Variants in SIPA1L3 observed in about 807,000 individuals in gnomAD.
SIPA1L3 encodes the protein signal induced proliferation associated 1 like 3, also known as signal-induced proliferation-associated 1-like protein 3.
In SIPA1L3, 59 loss-of-function variants were observed where a neutral mutation model predicts 150.1. The ratio of observed to expected loss-of-function variants is 0.39; its 90% CI spans 0.32 to 0.49. The LOEUF is 0.49. SIPA1L3 is among the 20% of genes least tolerant of loss of function. The pLI is 0.86. For synonymous variants in SIPA1L3, 1,070 were observed against 1,077.6 expected (o/e 0.99, Z 0.14); for missense variants, 2,211 against 2,489.5 (o/e 0.89, Z 2.38).
chr19:37,994,887 G>T (rs1348704026), intron 1 of SIPA1L3, among the ~76,000 whole-genome samples: 1 of 152,162 alleles, frequency 6.6e-6, no homozygotes, highest in Non-Finnish European at 1.5e-5. Flanking sequence ...GAGGAGACAA[G>T]CTCCATGGCT....
chr19:38,064,085 A>G (rs1654351), intron 2 of SIPA1L3, among the ~76,000 whole-genome samples: 53,129 of 152,184 alleles, frequency 0.35, 10,089 homozygotes, highest in African/African-American at 0.51. Flanking sequence ...ATTTGTGCCC[A>G]TACTCCAAGA....
At chr19:38,078,438 G>A (rs1011061569) in intron 2 of SIPA1L3, among the ~76,000 whole-genome samples, 5 of 139,002 alleles carry the variant, frequency 3.6e-5, no homozygotes, top group East Asian at 2.1e-4. Context: ...GCGCATACAT[G>A]CACACACACA....
intron 2 of SIPA1L3, among the ~76,000 whole-genome samples, chr19:38,059,140 A>C (rs1350301077): frequency 6.6e-6 from 1 of 150,448 alleles, no homozygotes; most frequent in Non-Finnish European, 1.5e-5. Flanking sequence ...AGCTGAGTCT[A>C]CAGGTGCATG....
At chr19:37,952,677 A>G (rs924622371) in intron 1 of SIPA1L3, among the ~76,000 whole-genome samples, 54 of 152,354 alleles carry the variant, frequency 3.5e-4, no homozygotes, top group African/African-American at 1.2e-3. Context: ...TGTCTCAAAA[A>G]TAAAATAAAA....
In SIPA1L3 at chr19:37,916,744, G is replaced by C. The variant is rs139341942; in HGVS notation, c.-379+9386G>C. 5.4e-3 allele frequency among the ~76,000 whole-genome samples: 820 copies of C among 152,214 alleles called. 7 individuals are homozygous for C. Among genetic ancestry groups the C allele is most frequent in the African/African-American group, 0.018 (768 of 41,530 alleles). ...GGAGGCTGACGCGGGTGGATCACTT[G>C]AGTTCAGGAGTTCGAGACCAGCCTA... On this transcript the variant is annotated intron_variant, in intron 1 of 21. Transcript: ENST00000222345.
chr19:38,141,695 T>C (rs1288521968), intron 11 of SIPA1L3, among the ~76,000 whole-genome samples: 3 of 152,178 alleles, frequency 2.0e-5, no homozygotes, highest in Non-Finnish European at 2.9e-5. Flanking sequence ...GAAGCTCTGC[T>C]TTTTAGGCTG....
intron 9 of SIPA1L3, among the ~76,000 whole-genome samples, chr19:38,128,527 C>T (rs757493962): frequency 6.6e-6 from 1 of 152,166 alleles, no homozygotes; most frequent in Non-Finnish European, 1.5e-5. Context: ...GTGTAAAACA[C>T]GAATGTGTAG....
chr19:37,921,751 C>T (rs2046459473), intron 1 of SIPA1L3, among the ~76,000 whole-genome samples: 1 of 152,024 alleles, frequency 6.6e-6, no homozygotes, highest in African/African-American at 2.4e-5. Flanking sequence ...CAGGCATACG[C>T]CACCACGCCT....
chr19:38,100,249 C>A, intron 5 of SIPA1L3, 99 bp downstream of exon 5: 2 of 953,178 alleles, frequency 2.1e-6, no homozygotes, highest in Non-Finnish European at 2.9e-6. Context: ...TTTTTCTTTG[C>A]AAGTAACAGA....
chr19:38,049,359 T>C (rs984040110), intron 2 of SIPA1L3, among the ~76,000 whole-genome samples: 4 of 152,168 alleles, frequency 2.6e-5, no homozygotes, highest in Admixed American at 6.5e-5. Context: ...TCTCATTCTT[T>C]CGGTTTCTTC....
intron 19 of SIPA1L3, among the ~76,000 whole-genome samples, chr19:38,199,271 C>T (rs1332379502): frequency 6.6e-6 from 1 of 152,198 alleles, no homozygotes; most frequent in Non-Finnish European, 1.5e-5. Flanking sequence ...ACAGCCAGTT[C>T]CAGGACAGTG....
At chr19:37,968,334 A>G (rs1568483117) in intron 1 of SIPA1L3, among the ~76,000 whole-genome samples, 2 of 151,968 alleles carry the variant, frequency 1.3e-5, no homozygotes, top group African/African-American at 4.8e-5. Flanking sequence ...CGGCCTCCAA[A>G]GTGCTGGGAT....
chr19:38,014,693 G>A (rs1884053077), intron 1 of SIPA1L3, among the ~76,000 whole-genome samples: 2 of 147,840 alleles, frequency 1.4e-5, no homozygotes, highest in South Asian at 2.2e-4. Flanking sequence ...TTTTTGAGAC[G>A]GAGCCTTGCT....
intron 15 of SIPA1L3, among the ~76,000 whole-genome samples, chr19:38,180,264 T>G: frequency 6.6e-6 from 1 of 152,254 alleles, no homozygotes; most frequent in South Asian, 2.1e-4. Context: ...TTGTTTTCTT[T>G]CAGCACTTTA....
At chr19:38,086,397 A>G (rs1159981968) in intron 3 of SIPA1L3, among the ~76,000 whole-genome samples, 2 of 152,178 alleles carry the variant, frequency 1.3e-5, no homozygotes, top group Admixed American at 1.3e-4. Context: ...AAAGAAAAAA[A>G]CGTTCTGGCC....
chr19:37,986,537 G>C (rs1450272233), intron 1 of SIPA1L3, among the ~76,000 whole-genome samples: 1 of 151,734 alleles, frequency 6.6e-6, no homozygotes, highest in Non-Finnish European at 1.5e-5. Context: ...CCAGGAAGCT[G>C]AGAATTGTCA....
At chr19:38,205,550 G>A (rs570639278) in intron 21 of SIPA1L3, among the ~76,000 whole-genome samples, 24 of 151,928 alleles carry the variant, frequency 1.6e-4, no homozygotes, top group Non-Finnish European at 3.2e-4. Flanking sequence ...TATATAATGC[G>A]TAAGTCTTCG....
At chr19:38,108,268 A>G (rs1970665672) in intron 7 of SIPA1L3, among the ~76,000 whole-genome samples, 1 of 150,848 alleles carries the variant, frequency 6.6e-6, no homozygotes, top group Admixed American at 6.6e-5. Context: ...CGCTGGGGAA[A>G]AGCTTGAGTC....
At position 38,164,875 on chromosome 19, in the gene SIPA1L3, G is replaced by A. The variant is rs1972175601; in HGVS notation, c.4177G>A (p.Gly1393Arg). 1.9e-6 allele frequency: 3 copies of A among 1,564,072 alleles called. No individual in the cohort carries two copies. ...CTCCAGCACCCCCACGGGACTGGCG[G>A]GGGGCAGCCGAGACCCACCGAGGCA... is the stretch of plus-strand genomic sequence containing the variant. Reference protein sequence around the residue: ...SGSSTPTGLAGGSRDPPRQPS... With the variant: ...SGSSTPTGLARGSRDPPRQPS... The change falls in exon 15 of 22, where the codon GGG becomes AGG. Residue 1393 changes from glycine (G) to arginine (R), a missense_variant. Gly to Arg is a moderately radical substitution (Grantham distance 125). Transcript: ENST00000222345. The surrounding 1 kb of genome is among the most constrained non-coding windows in gnomAD (Gnocchi z 4.1).
Sources: gnomAD v4.1 joint callset for allele counts (sites outside exome capture counted in the v4.1 genomes callset) on GRCh38, gnomAD v4.1.1 for gene constraint, Gnocchi (gnomAD v3.1) non-coding constraint, MANE v1.5 for transcripts, NCBI Gene and HGNC (gene_info 2026-07-23, HGNC 2026-07-21) for gene names.